The following FAM149B1 variants were observed in gnomAD, a reference collection of about 807,000 sequenced individuals.
The protein encoded by FAM149B1 is family with sequence similarity 149 member B1.
Under a neutral mutation model 75.3 loss-of-function variants are expected in FAM149B1, and 56 were observed. The ratio of observed to expected loss-of-function variants is 0.74; its 90% CI spans 0.60 to 0.93. The LOEUF is 0.93. Among genes scored for constraint, FAM149B1 ranks in the 40% least tolerant of loss-of-function variants. The probability of loss-of-function intolerance (pLI) is 0.00; values close to 1 mark genes in which losing one functional copy is unlikely to be tolerated. For missense variants in FAM149B1, 639 were observed against 708.4 expected (o/e 0.90, Z 1.11); for synonymous variants, 259 against 256.1 (o/e 1.01, Z -0.11).
chr10:73,179,816 AT>A (rs1212380961), intron 3 of FAM149B1, among the ~76,000 whole-genome samples: 1 of 151,616 alleles, frequency 6.6e-6, no homozygotes, highest in Non-Finnish European at 1.5e-5. Flanking sequence ...TTTGTGGCCT[AT>A]TTTTTTCATT....
chr10:73,230,547 GACTATACA>G (rs2043665656), intron 9 of FAM149B1, 22 bp downstream of exon 9: 2 of 1,277,932 alleles, frequency 1.6e-6, no homozygotes, highest in African/African-American at 3.0e-5. Context: ...AACATTTTCA[GACTATACA>G]GTGTAAAAGG....
chr10:73,176,593 G>A (rs1026631335), intron 2 of FAM149B1, among the ~76,000 whole-genome samples: 1 of 152,112 alleles, frequency 6.6e-6, no homozygotes, highest in Non-Finnish European at 1.5e-5. Flanking sequence ...AAAAAATATT[G>A]TATAATCATA....
intron 7 of FAM149B1, among the ~76,000 whole-genome samples, chr10:73,220,732 G>T (rs992552912): frequency 6.6e-6 from 1 of 152,162 alleles, no homozygotes; most frequent in Non-Finnish European, 1.5e-5. Flanking sequence ...GGACAGCGGA[G>T]ATCTCTTTCT....
Position 73,243,682 on chromosome 10 carries a change from T to G in FAM149B1, c.*2663T>G, listed in dbSNP as rs367712008. ...ATTGGTGTTAATAATTGTAAAACTT[T>G]GTAAATACACTTAAAACCACCAAAT... is the stretch of plus-strand genomic sequence containing the variant. On this transcript the variant is annotated 3_prime_UTR_variant, in exon 14 of 14. Transcript: ENST00000242505. 1.0e-5 allele frequency: 12 copies of G among 1,153,804 alleles called. No individual in the cohort carries two copies. The South Asian group carries it at 1.4e-4, about 13-fold the overall frequency. 71.5% of individuals were successfully genotyped at this position (1,153,804 alleles called of 1,614,324 possible).
chr10:73,233,325 A>G (rs1372644633), intron 10 of FAM149B1, 162 bp downstream of exon 10: 1 of 603,424 alleles, frequency 1.7e-6, no homozygotes, highest in African/African-American at 1.9e-5. Context: ...AAAATTTTTT[A>G]ATGTGGTTAA....
Position 73,234,880 on chromosome 10 carries a change from A to G in FAM149B1, c.1416A>G (p.Leu472=), listed in dbSNP as rs1174096872. 4.5e-6 allele frequency: 7 copies of G among 1,551,732 alleles called. No homozygotes were observed. Among genetic ancestry groups the G allele is most frequent in the African/African-American group, 1.4e-5 (1 of 73,020 alleles). Residue 472 remains leucine, a synonymous_variant, in exon 11 of 14, where the codon CTA becomes CTG. Transcript: ENST00000242505. The stretch of plus-strand genomic sequence containing the variant: ...CGCCCCTGAGTCGAAATAATCTGCT[A>G]CCACCTATTGGCACAGCTGAAGTGG... ...SPTPLSRNNL[L]PPIGTAEVEH...
intron 5 of FAM149B1, among the ~76,000 whole-genome samples, chr10:73,203,106 G>GT (rs2042978237): frequency 6.6e-6 from 1 of 152,156 alleles, no homozygotes; most frequent in Admixed American, 6.5e-5. Context: ...AGCCCACGGT[G>GT]TTTTTTCTGA....
At chr10:73,221,125 G>A (rs1490524146) in intron 7 of FAM149B1, among the ~76,000 whole-genome samples, 2 of 152,172 alleles carry the variant, frequency 1.3e-5, no homozygotes, top group South Asian at 2.1e-4. Context: ...GGATGAAGAG[G>A]GAAATTGAGA....
At position 73,204,944 on chromosome 10, in the gene FAM149B1, A is replaced by ATTTTTT. The variant is rs71021549; in HGVS notation, c.543-3628_543-3623dup. ...AGGCACCCGCCACCATGCCTGGCTA[A>ATTTTTT]TTTTTTTTTTTTTTTTTTTTTTTTT... On this transcript the variant is annotated intron_variant, in intron 5 of 13. Transcript: ENST00000242505. Among the ~76,000 whole-genome samples, 9 of 36,604 alleles carry ATTTTTT rather than the reference A, an allele frequency of 2.5e-4. 2 individuals are homozygous for ATTTTTT. The highest frequency in any genetic ancestry group is 3.7e-4 in the Non-Finnish European group (7 of 19,160). The allele number at this position is 36,604 out of a possible 152,430, so 24.0% of individuals were successfully genotyped here. A position where few individuals can be genotyped will look rare whatever the true frequency, so the allele number is the denominator to read the frequency against.
At chr10:73,192,342 A>C in intron 3 of FAM149B1, 1 of 505,708 alleles carries the variant, frequency 2.0e-6, no homozygotes, top group Non-Finnish European at 3.4e-6. Flanking sequence ...ACAGACATTT[A>C]TCTAAATTTT....
intron 5 of FAM149B1, among the ~76,000 whole-genome samples, chr10:73,197,042 T>C (rs1437537669): frequency 6.6e-6 from 1 of 152,118 alleles, no homozygotes; most frequent in Non-Finnish European, 1.5e-5. Context: ...CTTACTCTGT[T>C]GTACAGGCTG....
At chr10:73,229,532 G>A (rs1176745371) in intron 8 of FAM149B1, among the ~76,000 whole-genome samples, 2 of 152,158 alleles carry the variant, frequency 1.3e-5, no homozygotes, top group South Asian at 2.1e-4. Context: ...CTGAGATTAC[G>A]CCACTGCACT....
chr10:73,191,038 T>C (rs1373845062), intron 3 of FAM149B1, among the ~76,000 whole-genome samples: 1 of 152,140 alleles, frequency 6.6e-6, no homozygotes, highest in African/African-American at 2.4e-5. Context: ...TTCTGGTTTT[T>C]GGCTTTTGTT....
intron 7 of FAM149B1, among the ~76,000 whole-genome samples, chr10:73,225,950 G>A (rs905050624): frequency 6.6e-6 from 1 of 152,152 alleles, no homozygotes; most frequent in Non-Finnish European, 1.5e-5. Context: ...TTTAGCTAAG[G>A]TGTGTAATAG....
chr10:73,206,096 A>C (rs1229126248), intron 5 of FAM149B1, among the ~76,000 whole-genome samples: 1 of 152,226 alleles, frequency 6.6e-6, no homozygotes, highest in Non-Finnish European at 1.5e-5. Context: ...GTCCAGGCTG[A>C]CAAGGTCTCA....
intron 13 of FAM149B1, among the ~76,000 whole-genome samples, chr10:73,240,628 G>C (rs2043924249): frequency 6.6e-6 from 1 of 151,818 alleles, no homozygotes; most frequent in Non-Finnish European, 1.5e-5. Flanking sequence ...AGGAGAATGA[G>C]GTGAACCTGG....
chr10:73,211,674 T>C (rs1194183578), intron 7 of FAM149B1, among the ~76,000 whole-genome samples: 2 of 152,256 alleles, frequency 1.3e-5, no homozygotes, highest in African/African-American at 4.8e-5. Context: ...TCTTTGAATA[T>C]AATGATTTAT....
chr10:73,231,341 T>G (rs974166570), intron 9 of FAM149B1: 4 of 152,200 alleles, frequency 2.6e-5, no homozygotes, highest in African/African-American at 9.7e-5. Flanking sequence ...TTCTCTTGAG[T>G]TGATACCTAG....
At chr10:73,197,635 T>C (rs2042837618) in intron 5 of FAM149B1, among the ~76,000 whole-genome samples, 1 of 151,994 alleles carries the variant, frequency 6.6e-6, no homozygotes, top group South Asian at 2.1e-4. Flanking sequence ...CCAGGTGTGG[T>C]GGCGCACGCC....
Sources: allele counts gnomAD v4.1 joint callset (sites outside exome capture counted in the v4.1 genomes callset), GRCh38; gene constraint gnomAD v4.1.1; transcripts MANE v1.5; gene names NCBI Gene and HGNC (gene_info 2026-07-23, HGNC 2026-07-21).